The following DNAH11 variants were observed in gnomAD, a reference collection of about 807,000 sequenced individuals.
The protein encoded by DNAH11 is dynein axonemal heavy chain 11.
In DNAH11, 442 loss-of-function variants were observed where a neutral mutation model predicts 526.0. That is an observed-to-expected ratio of 0.84 (90% CI 0.78 to 0.91). The LOEUF is 0.91. Among genes scored for constraint, DNAH11 ranks in the 40% least tolerant of loss-of-function variants. The probability of loss-of-function intolerance (pLI) is 0.00; values close to 1 mark genes in which losing one functional copy is unlikely to be tolerated. For missense variants in DNAH11, 6,989 were observed against 5,448.7 expected (o/e 1.28, Z -8.90); for synonymous variants, 2,461 against 1,935.9 (o/e 1.27, Z -7.12).
intron 14 of DNAH11, among the ~76,000 whole-genome samples, chr7:21,596,919 A>G (rs977149590): frequency 6.6e-6 from 1 of 152,168 alleles, no homozygotes; most frequent in Non-Finnish European, 1.5e-5. Flanking sequence ...TTAAGTGATT[A>G]TTTTCCTCTT....
chr7:21,683,058 C>T (rs1044663681), intron 31 of DNAH11, among the ~76,000 whole-genome samples: 3 of 152,056 alleles, frequency 2.0e-5, no homozygotes, highest in East Asian at 3.8e-4. Context: ...AGGATAAATT[C>T]TGATTTAAAA....
At chr7:21,776,779 G>T (rs1029238848) in intron 56 of DNAH11, among the ~76,000 whole-genome samples, 1 of 152,158 alleles carries the variant, frequency 6.6e-6, no homozygotes, top group African/African-American at 2.4e-5. Context: ...GATGATAATA[G>T]ATTCAGAAGA....
intron 70 of DNAH11, 32 bp downstream of exon 70, chr7:21,864,689 G>C: frequency 6.5e-7 from 1 of 1,543,212 alleles, no homozygotes; most frequent in Middle Eastern, 1.7e-4. Flanking sequence ...TCAAATTCTG[G>C]ATCTTATTTA....
intron 20 of DNAH11, among the ~76,000 whole-genome samples, chr7:21,612,876 T>C (rs533876498): frequency 2.0e-5 from 3 of 152,338 alleles, no homozygotes; most frequent in African/African-American, 7.2e-5. Context: ...GTGTAATTAA[T>C]TGCATTAACA....
At position 21,884,304 on chromosome 7, in the gene DNAH11, A is replaced by G. The variant is rs752850762; in HGVS notation, c.12401A>G (p.Asp4134Gly). The change falls in exon 76 of 82, where the codon GAT (aspartate) becomes GGT (glycine). Residue 4134 changes from aspartate (D) to glycine (G), a missense_variant. Physicochemically the swap from Asp to Gly is moderately conservative, Grantham distance 94. Coordinates refer to ENST00000409508, the MANE Select transcript of DNAH11 (RefSeq NM_001277115.2). ...TTTTCTCCACAGGTCCCATGGGAAG[A>G]TCTCCGTTATCTCTTTGGTGAGATC... is the stretch of plus-strand genomic sequence containing the variant. Reference protein sequence around the residue: ...LEANSKVPWEDLRYLFGEIMY... With the variant: ...LEANSKVPWEGLRYLFGEIMY... The G allele has an allele frequency of 1.2e-6, 2 of 1,607,434 alleles. No individual in the cohort carries two copies. Among genetic ancestry groups the G allele is most frequent in the South Asian group, 1.1e-5 (1 of 89,300 alleles).
intron 36 of DNAH11, among the ~76,000 whole-genome samples, chr7:21,701,974 A>G (rs1784081527): frequency 6.6e-6 from 1 of 152,138 alleles, no homozygotes; most frequent in African/African-American, 2.4e-5. Flanking sequence ...CGTTAGGAAT[A>G]CCTTTACTGA....
At chr7:21,726,775 C>T (rs369342190) in intron 45 of DNAH11, among the ~76,000 whole-genome samples, 7 of 129,694 alleles carry the variant, frequency 5.4e-5, no homozygotes, top group African/African-American at 8.7e-5. Context: ...GCAGGAGAGT[C>T]GCTTGAACCT....
At chr7:21,830,543 C>T (rs1417952452) in intron 65 of DNAH11, among the ~76,000 whole-genome samples, 1 of 152,178 alleles carries the variant, frequency 6.6e-6, no homozygotes, top group Non-Finnish European at 1.5e-5. Flanking sequence ...TTATAGGCTG[C>T]CACTGTCAGA....
At chr7:21,567,594 A>C (rs1045760846) in intron 6 of DNAH11, among the ~76,000 whole-genome samples, 7 of 152,322 alleles carry the variant, frequency 4.6e-5, no homozygotes, top group African/African-American at 1.7e-4. Context: ...AGTGACTGTA[A>C]CTTCAAATGC....
intron 54 of DNAH11, among the ~76,000 whole-genome samples, chr7:21,751,194 T>A (rs1394289753): frequency 1.3e-5 from 2 of 152,054 alleles, no homozygotes; most frequent in Non-Finnish European, 2.9e-5. Flanking sequence ...CTTGGTGGCA[T>A]GTGCCTGTAA....
At chr7:21,878,391 G>A (rs901920971) in intron 74 of DNAH11, among the ~76,000 whole-genome samples, 4 of 152,114 alleles carry the variant, frequency 2.6e-5, no homozygotes, top group African/African-American at 7.2e-5. Flanking sequence ...ATTCAGAAAG[G>A]TATTAAGTGA....
chr7:21,769,244 C>A (rs1285981898), intron 55 of DNAH11, among the ~76,000 whole-genome samples: 1 of 152,124 alleles, frequency 6.6e-6, no homozygotes, highest in African/African-American at 2.4e-5. Context: ...AACATCCTTC[C>A]CCATTCTTCA....
chr7:21,592,364 G>C (rs1158848606), intron 14 of DNAH11, among the ~76,000 whole-genome samples: 1 of 152,196 alleles, frequency 6.6e-6, no homozygotes, highest in African/African-American at 2.4e-5. Flanking sequence ...ATCAGGAGAA[G>C]AACATTCTGG....
At chr7:21,561,900 T>A (rs767638578) in intron 5 of DNAH11, among the ~76,000 whole-genome samples, 3 of 152,246 alleles carry the variant, frequency 2.0e-5, no homozygotes, top group African/African-American at 4.8e-5. Context: ...TTAAAAAGTT[T>A]ATTTTTTCCC....
At chr7:21,669,675 G>A (rs1782564999) in intron 30 of DNAH11, among the ~76,000 whole-genome samples, 1 of 137,432 alleles carries the variant, frequency 7.3e-6, no homozygotes, top group African/African-American at 2.7e-5. Flanking sequence ...GTGTGTGTGT[G>A]TGTATGAGAG....
intron 22 of DNAH11, among the ~76,000 whole-genome samples, chr7:21,616,976 C>A (rs1457499832): frequency 6.6e-6 from 1 of 152,178 alleles, no homozygotes; most frequent in East Asian, 1.9e-4. Flanking sequence ...CTGTATTTTC[C>A]CCCATATTAT....
intron 2 of DNAH11, among the ~76,000 whole-genome samples, 155 bp from the exon 3 acceptor site, chr7:21,558,647 T>G (rs907152743): frequency 1.3e-5 from 2 of 152,048 alleles, no homozygotes; most frequent in Non-Finnish European, 2.9e-5. Flanking sequence ...TGATTAAATC[T>G]AAATGGGTCA....
chr7:21,727,056 C>G (rs1268508787), intron 45 of DNAH11, among the ~76,000 whole-genome samples: 2 of 146,986 alleles, frequency 1.4e-5, no homozygotes, highest in Admixed American at 1.4e-4. Flanking sequence ...GCCTCAGACT[C>G]CCAAGTAGCT....
At position 21,884,181 on chromosome 7, in the gene DNAH11, A is replaced by G. The variant is rs1462885512; in HGVS notation, c.12388-110A>G. 2.6e-5 allele frequency: 24 copies of G among 916,300 alleles called. No individual in the cohort carries two copies. In the Middle Eastern group the frequency reaches 1.1e-3, roughly 42 times the overall value. 56.8% of individuals were successfully genotyped at this position (916,300 alleles called of 1,614,324 possible). On this transcript the variant is annotated intron_variant, in intron 75 of 81. Transcript: ENST00000409508. The stretch of plus-strand genomic sequence containing the variant: ...TTCTGAAGCACCTTTAAATCCTCCT[A>G]TTGACGGAGGCTTGGAGGGCATTGT...
Sources: allele counts gnomAD v4.1 joint callset (sites outside exome capture counted in the v4.1 genomes callset), GRCh38; gene constraint gnomAD v4.1.1; transcripts MANE v1.5; gene names NCBI Gene and HGNC (gene_info 2026-07-23, HGNC 2026-07-21).